The following ZFHX3 variants were observed in gnomAD, a reference collection of about 807,000 sequenced individuals.
ZFHX3 encodes zinc finger homeobox 3.
A neutral mutation model predicts 279.1 loss-of-function variants in ZFHX3; 42 were observed. The ratio of observed to expected loss-of-function variants is 0.15; its 90% confidence interval spans 0.12 to 0.19. ZFHX3 has a LOEUF of 0.19. Ranked by LOEUF, ZFHX3 falls within the 10% of genes least tolerant of loss-of-function variation. The pLI, the probability that ZFHX3 is intolerant of heterozygous loss-of-function variation, is 1.00. For missense variants in ZFHX3, 4,981 were observed against 4,754.0 expected, an observed-to-expected ratio of 1.05 and a Z score of -1.40; for synonymous variants, 2,293 against 1,957.8, an observed-to-expected ratio of 1.17 and a Z score of -4.52.
intron 2 of ZFHX3, among the ~76,000 whole-genome samples, chr16:73,651,369 T>C (rs138500618): frequency 1.9e-3 from 285 of 151,680 alleles, no homozygotes; most frequent in African/African-American, 6.6e-3. Flanking sequence ...AGAAAATGAG[T>C]GTTTTCTAGA....
chr16:72,797,507 T>TTGC lies in ZFHX3; in HGVS notation c.5172_5174dup (p.Gln1741dup). ...GTTGTTGCTGTTGCTGCTGCTGTTG[T>TTGC]TGCTGCTGCCTGGATGCAATCATAT... On this transcript the variant is annotated inframe_insertion, in exon 9 of 10. Transcript: ENST00000268489. 6.2e-7 allele frequency: 1 copy of TTGC among 1,613,874 alleles called. No homozygotes were observed. The highest frequency in any genetic ancestry group is 8.5e-7 in the Non-Finnish European group (1 of 1,179,874).
At chr16:73,809,981 T>C (rs966691884) in intron 1 of ZFHX3, among the ~76,000 whole-genome samples, 6 of 152,152 alleles carry the variant, frequency 3.9e-5, no homozygotes, top group Admixed American at 3.3e-4. Flanking sequence ...ACTCCACACA[T>C]TGCGGTGTCT....
chr16:73,290,127 G>C (rs1438277902), intron 4 of ZFHX3, among the ~76,000 whole-genome samples: 1 of 152,110 alleles, frequency 6.6e-6, no homozygotes, highest in African/African-American at 2.4e-5. Flanking sequence ...TATTCATTGA[G>C]TGCTCGCCAT....
intron 1 of ZFHX3, among the ~76,000 whole-genome samples, chr16:73,034,002 C>G (rs1178529742): frequency 6.6e-6 from 1 of 151,982 alleles, no homozygotes; most frequent in Non-Finnish European, 1.5e-5. Flanking sequence ...GTTCTCCTTG[C>G]TATTTCACTG....
At position 72,959,579 on chromosome 16, in the gene ZFHX3, G is replaced by A. The variant is rs754777949; in HGVS notation, c.567C>T (p.Pro189=). 17 of 1,614,026 alleles carry A rather than the reference G, an allele frequency of 1.1e-5. No homozygotes were observed. Among genetic ancestry groups the A allele is most frequent in the Admixed American group, 8.3e-5 (5 of 60,008 alleles). The change falls in exon 2 of 10, where the codon CCC becomes CCT. Residue 189 remains proline, a synonymous_variant. Coordinates refer to ENST00000268489, the MANE Select transcript of ZFHX3 (RefSeq NM_006885.4). ...AAGTGTTGATGATCTGCGGGTACAC[G>A]GGTGCAGCACACGAAGGGTCCCCTT... ...GKQGDPSCAA[P]VYPQIINTFH... is the part of the protein sequence containing the mutation.
chr16:73,248,947 G>A (rs1456032771), intron 5 of ZFHX3, among the ~76,000 whole-genome samples: 3 of 152,112 alleles, frequency 2.0e-5, no homozygotes, highest in East Asian at 1.9e-4. Context: ...CTGGCCCAGC[G>A]CCCAAGGCAT....
intron 2 of ZFHX3, among the ~76,000 whole-genome samples, chr16:73,480,431 C>T (rs2018844561): frequency 6.6e-6 from 1 of 152,148 alleles, no homozygotes; most frequent in Non-Finnish European, 1.5e-5. Context: ...CAGTTTTCCC[C>T]CTCACCTCCC....
intron 3 of ZFHX3, among the ~76,000 whole-genome samples, chr16:73,354,760 T>A (rs183626382): frequency 6.6e-6 from 1 of 152,334 alleles, no homozygotes; most frequent in Admixed American, 6.5e-5. Context: ...GGTCAGGTTC[T>A]GGCTGCGTTT....
chr16:73,004,992 T>C (rs868018755), intron 1 of ZFHX3, among the ~76,000 whole-genome samples: 6 of 152,246 alleles, frequency 3.9e-5, no homozygotes, highest in Admixed American at 1.3e-4. Context: ...CAACCATTTA[T>C]TGCATAATTT....
At chr16:73,095,303 C>G (rs1429472405) in intron 7 of ZFHX3, among the ~76,000 whole-genome samples, 1 of 152,036 alleles carries the variant, frequency 6.6e-6, no homozygotes, top group Non-Finnish European at 1.5e-5. Context: ...TCTCCCTGTC[C>G]CCAGTCTGGC....
intron 1 of ZFHX3, among the ~76,000 whole-genome samples, chr16:73,057,257 C>A (rs561511830): frequency 2.0e-5 from 3 of 152,224 alleles, no homozygotes; most frequent in African/African-American, 7.2e-5. Context: ...CAACATTGAA[C>A]AAAAGTCAGA....
intron 4 of ZFHX3, among the ~76,000 whole-genome samples, chr16:72,838,726 G>A (rs2037264299): frequency 6.6e-6 from 1 of 152,196 alleles, no homozygotes; most frequent in African/African-American, 2.4e-5. Flanking sequence ...GGAGAAAAAG[G>A]GAGGAAACGC....
chr16:73,641,343 G>A (rs1426086041), intron 2 of ZFHX3, among the ~76,000 whole-genome samples: 1 of 152,144 alleles, frequency 6.6e-6, no homozygotes, highest in Non-Finnish European at 1.5e-5. Flanking sequence ...AGAACAAGAG[G>A]AAGTGGTCTT....
At chr16:73,576,697 AAAAAACAAAAAC>A (rs140278064) in intron 2 of ZFHX3, among the ~76,000 whole-genome samples, 4 of 150,336 alleles carry the variant, frequency 2.7e-5, no homozygotes, top group Admixed American at 6.6e-5. Context: ...AAGAACATTA[AAAAAACAAAAAC>A]AAAAACAAAA....
intron 3 of ZFHX3, among the ~76,000 whole-genome samples, chr16:73,422,245 C>T (rs574391768): frequency 6.6e-6 from 1 of 150,496 alleles, no homozygotes; most frequent in Non-Finnish European, 1.5e-5. Context: ...AGATACTTTC[C>T]TCTGCTCAAC....
intron 1 of ZFHX3, among the ~76,000 whole-genome samples, chr16:73,695,246 T>TTG (rs1373723704): frequency 2.6e-5 from 4 of 151,198 alleles, no homozygotes; most frequent in Admixed American, 2.0e-4. Context: ...TTTTTTGTTT[T>TTG]TTTTTTTTGA....
At chr16:73,233,633 G>A (rs751582003) in intron 5 of ZFHX3, among the ~76,000 whole-genome samples, 1 of 152,192 alleles carries the variant, frequency 6.6e-6, no homozygotes, top group African/African-American at 2.4e-5. Flanking sequence ...CTCTTCTGTT[G>A]TCACCCAGCT....
intron 2 of ZFHX3, among the ~76,000 whole-genome samples, chr16:73,557,094 CA>C (rs397766441): frequency 0.048 from 3,260 of 67,910 alleles, 8 homozygotes; most frequent in African/African-American, 0.076. Flanking sequence ...GACTCCGTCT[CA>C]AAAAAAAAAA....
chr16:73,182,095 C>G (rs964812845), intron 5 of ZFHX3, among the ~76,000 whole-genome samples: 1 of 152,180 alleles, frequency 6.6e-6, no homozygotes, highest in Admixed American at 6.5e-5. Context: ...CTGACCTTTT[C>G]CTCAGAGCTG....
Sources: allele counts gnomAD v4.1 joint callset (sites outside exome capture counted in the v4.1 genomes callset), GRCh38; gene constraint gnomAD v4.1.1; transcripts MANE v1.5; gene names NCBI Gene and HGNC (gene_info 2026-07-23, HGNC 2026-07-21).